The following JAZF1 variants were observed in gnomAD, a reference collection of about 807,000 sequenced individuals.
JAZF1 encodes the protein JAZF zinc finger 1, also known as juxtaposed with another zinc finger protein 1.
JAZF1 carries 8 observed loss-of-function variants against 26.4 expected under a neutral mutation model. The ratio of observed to expected loss-of-function variants is 0.30; its 90% CI spans 0.18 to 0.55. The LOEUF (loss-of-function observed/expected upper bound fraction) is 0.55. JAZF1 is among the 20% of genes least tolerant of loss of function. JAZF1 has a pLI of 0.94. For synonymous variants in JAZF1, 126 were observed against 122.3 expected (o/e 1.03, Z -0.20); for missense variants, 199 against 322.0 (o/e 0.62, Z 2.92).
intron 1 of JAZF1, chr7:28,020,666 G>A: frequency 2.1e-6 from 1 of 471,260 alleles, no homozygotes; most frequent in Non-Finnish European, 4.4e-6. Context: ...GTTCTCAGTA[G>A]AGGTAGAAGT....
At chr7:28,091,805 G>T (rs1003748008) in intron 1 of JAZF1, among the ~76,000 whole-genome samples, 12 of 151,772 alleles carry the variant, frequency 7.9e-5, no homozygotes, top group African/African-American at 2.9e-4. Context: ...GGCCCAACTG[G>T]AAAATATTCT....
chr7:28,000,622 C>CTTTTTTTTTTTTTTT (rs1190147547), intron 1 of JAZF1, among the ~76,000 whole-genome samples: 1 of 62,072 alleles, frequency 1.6e-5, no homozygotes, highest in African/African-American at 4.1e-5. Flanking sequence ...TTCTTTCTTT[C>CTTTTTTTTTTTTTTT]TTTTTTTTTT....
intron 1 of JAZF1, among the ~76,000 whole-genome samples, chr7:28,021,558 G>C (rs1467197642): frequency 6.6e-6 from 1 of 152,158 alleles, no homozygotes; most frequent in Non-Finnish European, 1.5e-5. Context: ...GGCAGGAAAG[G>C]CCGCCACCGC....
At chr7:28,167,064 C>T (rs1783380517) in intron 1 of JAZF1, among the ~76,000 whole-genome samples, 1 of 152,202 alleles carries the variant, frequency 6.6e-6, no homozygotes, top group South Asian at 2.1e-4. Flanking sequence ...TGTGTGGGGG[C>T]TTCCTGATCT....
chr7:27,970,716 T>TTATTAAAGAAGCACACATTAGTG (rs1397221398), intron 2 of JAZF1, among the ~76,000 whole-genome samples: 1 of 152,254 alleles, frequency 6.6e-6, no homozygotes, highest in East Asian at 1.9e-4. Flanking sequence ...ATTTAAGGCT[T>TTATTAAAGAAGCACACATTAGTG]TATTAAAGAA....
chr7:28,085,297 G>T (rs1374767680), intron 1 of JAZF1, among the ~76,000 whole-genome samples: 2 of 152,092 alleles, frequency 1.3e-5, no homozygotes, highest in African/African-American at 4.8e-5. Context: ...AATATCTTCT[G>T]ATATGTACCA....
intron 2 of JAZF1, among the ~76,000 whole-genome samples, chr7:27,948,727 G>C (rs941015637): frequency 1.3e-5 from 2 of 152,094 alleles, no homozygotes; most frequent in Admixed American, 6.5e-5. Flanking sequence ...AACCTACAAG[G>C]GTTTGCAGAT....
intron 2 of JAZF1, chr7:27,914,920 C>T (rs746047343): frequency 2.0e-5 from 9 of 440,338 alleles, no homozygotes; most frequent in Middle Eastern, 6.8e-4. Flanking sequence ...GTAACCAGAG[C>T]GCCATTTACT....
chr7:28,146,274 G>C (rs1783026152), intron 1 of JAZF1, among the ~76,000 whole-genome samples: 1 of 152,204 alleles, frequency 6.6e-6, no homozygotes, highest in Non-Finnish European at 1.5e-5. Flanking sequence ...TAAAAGATTA[G>C]AACAACATTA....
chr7:27,963,689 G>A (rs567896465), intron 2 of JAZF1, among the ~76,000 whole-genome samples: 4 of 149,946 alleles, frequency 2.7e-5, no homozygotes, highest in Non-Finnish European at 5.9e-5. Context: ...AGCCTCCCGA[G>A]TAGCTGAGAC....
intron 1 of JAZF1, among the ~76,000 whole-genome samples, chr7:28,032,794 A>G (rs1361719914): frequency 6.6e-6 from 1 of 152,120 alleles, no homozygotes; most frequent in Non-Finnish European, 1.5e-5. Context: ...GGACCAGGCC[A>G]GTGTCATTAC....
At chr7:28,134,450 A>G (rs1485296987) in intron 1 of JAZF1, among the ~76,000 whole-genome samples, 1 of 147,178 alleles carries the variant, frequency 6.8e-6, no homozygotes. Flanking sequence ...ATAGGTATGC[A>G]CACCAGCATG....
At chr7:27,838,187 T>C (rs956536917) in intron 4 of JAZF1, among the ~76,000 whole-genome samples, 4 of 152,152 alleles carry the variant, frequency 2.6e-5, no homozygotes, top group African/African-American at 9.7e-5. Flanking sequence ...GAAATACACA[T>C]GTTGATAAAC....
At chr7:28,158,610 G>A (rs1034377310) in intron 1 of JAZF1, among the ~76,000 whole-genome samples, 4 of 152,108 alleles carry the variant, frequency 2.6e-5, no homozygotes, top group Admixed American at 6.6e-5. Context: ...CCACATCAAC[G>A]CAATGCACAG....
At chr7:27,838,948 GC>G (rs1223300033) in intron 4 of JAZF1, among the ~76,000 whole-genome samples, 5 of 152,204 alleles carry the variant, frequency 3.3e-5, no homozygotes, top group Non-Finnish European at 7.3e-5. Context: ...ATTCTCAGTG[GC>G]CTTGGGTGGA....
chr7:28,158,144 C>T lies in JAZF1; in HGVS notation c.115+22319G>A, dbSNP rs950086693. ...GAGAAAGGAGACCACATTGAAAACA[C>T]GCGCGCACACACACACACACACAAA... On this transcript the variant is annotated intron_variant, in intron 1 of 4. Transcript: ENST00000283928. 4.5e-4 allele frequency among the ~76,000 whole-genome samples: 63 copies of T among 140,106 alleles called. 1 individual carries two copies. Among genetic ancestry groups the T allele is most frequent in the African/African-American group, 1.4e-3 (52 of 38,484 alleles). 91.9% of individuals were successfully genotyped at this position (140,106 alleles called of 152,430 possible).
intron 1 of JAZF1, among the ~76,000 whole-genome samples, chr7:28,022,356 G>A (rs1783020182): frequency 6.6e-6 from 1 of 152,198 alleles, no homozygotes; most frequent in African/African-American, 2.4e-5. Context: ...CCAAAAGAAT[G>A]CAGTTGGCAC....
At chr7:27,874,084 C>T (rs1783631533) in intron 3 of JAZF1, among the ~76,000 whole-genome samples, 1 of 152,170 alleles carries the variant, frequency 6.6e-6, no homozygotes, top group Non-Finnish European at 1.5e-5. Flanking sequence ...AATCTTAAAC[C>T]ATGGTGGGAA....
intron 1 of JAZF1, among the ~76,000 whole-genome samples, chr7:28,066,001 G>A (rs1027830502): frequency 1.3e-5 from 2 of 152,148 alleles, no homozygotes; most frequent in Admixed American, 6.5e-5. Flanking sequence ...AAATGTTCAC[G>A]AGAGGACTAC....
Sources: gnomAD v4.1 joint callset for allele counts (sites outside exome capture counted in the v4.1 genomes callset) on GRCh38, gnomAD v4.1.1 for gene constraint, MANE v1.5 for transcripts, NCBI Gene and HGNC (gene_info 2026-07-23, HGNC 2026-07-21) for gene names.